OPCML: variants seen among roughly 807,000 people sequenced by gnomAD.
OPCML encodes opioid binding protein/cell adhesion molecule like.
Under a neutral mutation model 37.8 loss-of-function variants are expected in OPCML, and 13 were observed. The ratio of observed to expected loss-of-function variants is 0.34; its 90% CI spans 0.22 to 0.55. The LOEUF is 0.55. Ranked by LOEUF, OPCML falls within the 20% of genes least tolerant of loss-of-function variation. The probability of loss-of-function intolerance (pLI) is 0.91; values close to 1 mark genes in which losing one functional copy is unlikely to be tolerated. For missense variants in OPCML, 341 were observed against 435.6 expected, an observed-to-expected ratio of 0.78 and a Z score of 1.93; for synonymous variants, 176 against 168.8, an observed-to-expected ratio of 1.04 and a Z score of -0.33.
intron 2 of OPCML, among the ~76,000 whole-genome samples, chr11:132,686,358 G>A (rs1451552340): frequency 6.6e-6 from 1 of 152,284 alleles, no homozygotes; most frequent in Non-Finnish European, 1.5e-5. Flanking sequence ...CTAAATCCAC[G>A]AAGGTCTGAT....
chr11:132,464,628 C>T (rs1032278067), intron 4 of OPCML, among the ~76,000 whole-genome samples: 1 of 152,086 alleles, frequency 6.6e-6, no homozygotes, highest in Non-Finnish European at 1.5e-5. Context: ...CCTTAACAAA[C>T]TACTTTTTAT....
At chr11:132,828,541 C>T (rs1199959913) in intron 2 of OPCML, among the ~76,000 whole-genome samples, 1 of 148,646 alleles carries the variant, frequency 6.7e-6, no homozygotes, top group African/African-American at 2.5e-5. Context: ...CTTGCTAAAA[C>T]AGCTCTTTTA....
At chr11:133,480,100 C>T (rs1164582054) in intron 1 of OPCML, among the ~76,000 whole-genome samples, 3 of 152,160 alleles carry the variant, frequency 2.0e-5, no homozygotes, top group Admixed American at 2.0e-4. Flanking sequence ...CCCACTTTTT[C>T]CTTCTTAGAG....
intron 2 of OPCML, among the ~76,000 whole-genome samples, chr11:132,912,819 C>T (rs537392461): frequency 1.5e-4 from 23 of 152,328 alleles, no homozygotes; most frequent in Admixed American, 9.8e-4. Context: ...TGACTTTGCT[C>T]AGAACTTTCA....
intron 1 of OPCML, among the ~76,000 whole-genome samples, chr11:133,328,846 G>A (rs1400500999): frequency 6.6e-6 from 1 of 152,162 alleles, no homozygotes; most frequent in Non-Finnish European, 1.5e-5. Flanking sequence ...AATCAGGCAG[G>A]AGAAGGAAAT....
At chr11:132,699,249 G>T (rs1943715328) in intron 2 of OPCML, among the ~76,000 whole-genome samples, 1 of 151,956 alleles carries the variant, frequency 6.6e-6, no homozygotes, top group Non-Finnish European at 1.5e-5. Flanking sequence ...GCAGTTTGTT[G>T]GTGGAGGCTT....
At position 133,211,618 on chromosome 11, in the gene OPCML, C is replaced by T. The variant is rs1939362165; in HGVS notation, c.62-268608G>A. On this transcript the variant is annotated intron_variant, in intron 1 of 7. Coordinates refer to ENST00000524381, the MANE Select transcript of OPCML (RefSeq NM_001012393.5). The surrounding 1 kb of genome is among the most constrained non-coding windows in gnomAD (Gnocchi z 4.1). ...GTTTCCTAGAAGGGAGCTGAGGTAC[C>T]CAGAGGCCCTTCCCTAATAGCTGGA... is the stretch of plus-strand genomic sequence containing the variant. Among the ~76,000 whole-genome samples, 1 of 152,288 alleles carries T rather than the reference C, an allele frequency of 6.6e-6. No individual in the cohort carries two copies.
chr11:132,772,831 A>C (rs1201450880), intron 2 of OPCML: 5 of 152,346 alleles, frequency 3.3e-5, no homozygotes, highest in African/African-American at 1.2e-4. Context: ...TCACTTGCAG[A>C]AGACATCTGC....
intron 2 of OPCML, among the ~76,000 whole-genome samples, chr11:132,813,051 T>C (rs1939436489): frequency 1.3e-5 from 2 of 152,208 alleles, no homozygotes; most frequent in African/African-American, 4.8e-5. Flanking sequence ...TAAAACTCAA[T>C]AAAAATCAAT....
chr11:133,347,198 C>G (rs2136683385), intron 1 of OPCML, among the ~76,000 whole-genome samples: 1 of 152,300 alleles, frequency 6.6e-6, no homozygotes, highest in South Asian at 2.1e-4. Flanking sequence ...TTTTAAGCAT[C>G]TTGTAAAGCA....
At chr11:132,592,934 A>G (rs2137718910) in intron 3 of OPCML, among the ~76,000 whole-genome samples, 1 of 152,346 alleles carries the variant, frequency 6.6e-6, no homozygotes, top group African/African-American at 2.4e-5. Flanking sequence ...ACAGCAATAC[A>G]TAGAAAATAC....
intron 3 of OPCML, among the ~76,000 whole-genome samples, chr11:132,549,527 A>G (rs1307202317): frequency 6.6e-6 from 1 of 152,222 alleles, no homozygotes; most frequent in East Asian, 1.9e-4. Context: ...TTAAGAAGAA[A>G]TCACTTAGGC....
intron 3 of OPCML, among the ~76,000 whole-genome samples, chr11:132,646,470 T>G (rs1941157067): frequency 6.6e-6 from 1 of 152,150 alleles, no homozygotes; most frequent in Non-Finnish European, 1.5e-5. Context: ...ATGATCAGTA[T>G]CTGCATCAGA....
At chr11:132,594,930 G>A (rs1197299072) in intron 3 of OPCML, among the ~76,000 whole-genome samples, 1 of 152,182 alleles carries the variant, frequency 6.6e-6, no homozygotes, top group Non-Finnish European at 1.5e-5. Context: ...CCAACCCCGA[G>A]TTCAAGGCAG....
chr11:132,633,414 T>C (rs1468563787), intron 3 of OPCML, among the ~76,000 whole-genome samples: 1 of 152,090 alleles, frequency 6.6e-6, no homozygotes, highest in Non-Finnish European at 1.5e-5. Context: ...AGAAAATAGA[T>C]GGAAATAAAA....
intron 1 of OPCML, among the ~76,000 whole-genome samples, chr11:132,962,692 C>A (rs567961397): frequency 6.6e-6 from 1 of 152,176 alleles, no homozygotes; most frequent in African/African-American, 2.4e-5. Flanking sequence ...CTACTCTGTA[C>A]CATCCCCACC....
chr11:132,454,513 T>A (rs2096076532), intron 4 of OPCML, among the ~76,000 whole-genome samples: 1 of 152,182 alleles, frequency 6.6e-6, no homozygotes, highest in South Asian at 2.1e-4. Flanking sequence ...ACTGCGGAGA[T>A]GCTCCACTGC....
chr11:133,232,167 C>T (rs1592127579), intron 1 of OPCML, among the ~76,000 whole-genome samples: 1 of 152,076 alleles, frequency 6.6e-6, no homozygotes, highest in Non-Finnish European at 1.5e-5. Context: ...TTTGTGAACC[C>T]AGCCCCAGTG....
chr11:133,330,121 C>G (rs551562065), intron 1 of OPCML, among the ~76,000 whole-genome samples: 2 of 152,304 alleles, frequency 1.3e-5, no homozygotes, highest in South Asian at 4.2e-4. Flanking sequence ...AAATGCAAGT[C>G]AAAACCACAA....
Sources: gnomAD v4.1 joint callset for allele counts (sites outside exome capture counted in the v4.1 genomes callset) on GRCh38, gnomAD v4.1.1 for gene constraint, Gnocchi (gnomAD v3.1) non-coding constraint, MANE v1.5 for transcripts, NCBI Gene and HGNC (gene_info 2026-07-23, HGNC 2026-07-21) for gene names.